The following DAB1 variants were observed in gnomAD, a reference collection of about 807,000 sequenced individuals.
The protein encoded by DAB1 is DAB adaptor protein 1, also known as disabled homolog 1.
In DAB1, 15 loss-of-function variants were observed where a neutral mutation model predicts 64.6. That is an observed-to-expected ratio of 0.23 (90% confidence interval 0.16 to 0.36). DAB1 has a LOEUF of 0.36. Among genes scored for constraint, DAB1 ranks in the 10% least tolerant of loss-of-function variants. The probability of loss-of-function intolerance (pLI) is 1.00; values close to 1 mark genes in which losing one functional copy is unlikely to be tolerated. For synonymous variants in DAB1, 235 were observed against 251.9 expected (o/e 0.93, Z 0.64); for missense variants, 596 against 706.7 (o/e 0.84, Z 1.78).
At chr1:58,455,760 T>C (rs706458) in intron 3 of DAB1, among the ~76,000 whole-genome samples, 122,455 of 152,200 alleles carry the variant, frequency 0.8, 50,647 homozygotes, top group African/African-American at 0.92. Flanking sequence ...TCTAATTGGA[T>C]ATCTGTCACA....
chr1:56,997,605 T>C lies in DAB1; in HGVS notation c.*539A>G, dbSNP rs1322334727. 1.3e-5 allele frequency: 2 copies of C among 152,096 alleles called. No homozygotes were observed. The allele number at this position is 152,096 out of a possible 1,614,324, so 9.4% of individuals were successfully genotyped here. A position where few individuals can be genotyped will look rare whatever the true frequency, so the allele number is the denominator to read the frequency against. ...GGGGAAAATGGCAGACCAGGCCCCA[T>C]GGAGTGACAAAAAACACATCATCCT... On this transcript the variant is annotated 3_prime_UTR_variant, in exon 15 of 15. Coordinates refer to ENST00000371236, the MANE Select transcript of DAB1 (RefSeq NM_001365792.1).
At chr1:58,057,777 G>A (rs1467095559) in intron 5 of DAB1, among the ~76,000 whole-genome samples, 2 of 152,116 alleles carry the variant, frequency 1.3e-5, no homozygotes, top group Non-Finnish European at 2.9e-5. Flanking sequence ...GGCAGCTTTA[G>A]GGAATACATA....
At chr1:57,714,339 G>GT (rs1037483186) in intron 6 of DAB1, among the ~76,000 whole-genome samples, 1 of 151,878 alleles carries the variant, frequency 6.6e-6, no homozygotes, top group Non-Finnish European at 1.5e-5. Context: ...GGAAATCTGG[G>GT]TTTTGAACCC....
chr1:58,258,514 C>G (rs1397222841), intron 4 of DAB1, among the ~76,000 whole-genome samples: 3 of 152,120 alleles, frequency 2.0e-5, no homozygotes, highest in Non-Finnish European at 4.4e-5. Context: ...GTTACCCTGT[C>G]TGGACTCATT....
chr1:57,186,041 G>GCCTGTATATCAATA (rs1663521733), intron 2 of DAB1, among the ~76,000 whole-genome samples: 1 of 152,072 alleles, frequency 6.6e-6, no homozygotes, highest in South Asian at 2.1e-4. Context: ...CCTCAGTCTT[G>GCCTGTATATCAATA]CCTGTATATC....
chr1:58,338,453 A>G (rs1663173978), intron 4 of DAB1, among the ~76,000 whole-genome samples: 1 of 152,194 alleles, frequency 6.6e-6, no homozygotes, highest in Non-Finnish European at 1.5e-5. Context: ...TGTTTGTGGC[A>G]TTATTGAATC....
chr1:57,787,211 A>G (rs1389349877), intron 6 of DAB1, among the ~76,000 whole-genome samples: 1 of 152,206 alleles, frequency 6.6e-6, no homozygotes, highest in Admixed American at 6.5e-5. Flanking sequence ...GGCCAAATCA[A>G]TGTTGAAACA....
chr1:57,716,593 A>G (rs1011646255), intron 6 of DAB1, among the ~76,000 whole-genome samples: 1 of 152,246 alleles, frequency 6.6e-6, no homozygotes, highest in African/African-American at 2.4e-5. Context: ...TAAGTGGATT[A>G]AAGACTTAAA....
chr1:57,702,032 G>A (rs576991955), intron 6 of DAB1, among the ~76,000 whole-genome samples: 2 of 152,236 alleles, frequency 1.3e-5, no homozygotes, highest in South Asian at 2.1e-4. Flanking sequence ...ATTTGAGGAG[G>A]CCATGGTTCC....
At chr1:57,790,566 CA>C (rs1650546689) in intron 6 of DAB1, among the ~76,000 whole-genome samples, 1 of 152,104 alleles carries the variant, frequency 6.6e-6, no homozygotes, top group African/African-American at 2.4e-5. Flanking sequence ...AGAAGTATCC[CA>C]GAACCAGCCC....
intron 2 of DAB1, among the ~76,000 whole-genome samples, chr1:57,243,459 G>T (rs971289205): frequency 6.6e-5 from 10 of 151,602 alleles, no homozygotes; most frequent in Non-Finnish European, 2.9e-5. Context: ...TAACCATATA[G>T]CTTCCAATGA....
intron 6 of DAB1, among the ~76,000 whole-genome samples, chr1:57,728,746 A>G (rs1254819219): frequency 6.6e-6 from 1 of 152,238 alleles, no homozygotes; most frequent in Non-Finnish European, 1.5e-5. Flanking sequence ...TTTCAAAAGA[A>G]ACCAAAATCA....
intron 1 of DAB1, among the ~76,000 whole-genome samples, chr1:58,527,605 C>T (rs1293556822): frequency 6.6e-6 from 1 of 152,020 alleles, no homozygotes; most frequent in East Asian, 1.9e-4. Context: ...TCTATTTTTC[C>T]AATTATAGTC....
chr1:58,351,556 G>A (rs1644057768), intron 3 of DAB1, among the ~76,000 whole-genome samples: 1 of 152,000 alleles, frequency 6.6e-6, no homozygotes, highest in Admixed American at 6.6e-5. Flanking sequence ...CTCGGTAGAT[G>A]GCTAAGTGTT....
intron 3 of DAB1, among the ~76,000 whole-genome samples, chr1:58,376,205 T>C (rs1437135892): frequency 4.0e-5 from 6 of 149,318 alleles, no homozygotes; most frequent in Non-Finnish European, 8.9e-5. Flanking sequence ...TTTAGTTATT[T>C]CTTGCCTTCT....
At chr1:57,775,166 A>C (rs560556785) in intron 6 of DAB1, among the ~76,000 whole-genome samples, 64 of 151,446 alleles carry the variant, frequency 4.2e-4, no homozygotes, top group African/African-American at 1.2e-3. Context: ...TTTCTTGGTT[A>C]GCATAATTAT....
At chr1:57,861,448 C>T (rs1048410768) in intron 1 of DAB1, among the ~76,000 whole-genome samples, 1 of 152,148 alleles carries the variant, frequency 6.6e-6, no homozygotes. Context: ...GGGCTCCACC[C>T]TCATGACCTA....
At chr1:57,758,636 ATCATAT>A (rs1648928902) in intron 6 of DAB1, among the ~76,000 whole-genome samples, 1 of 152,206 alleles carries the variant, frequency 6.6e-6, no homozygotes, top group Admixed American at 6.5e-5. Flanking sequence ...ACCGGCTTCT[ATCATAT>A]TTTTTCATAT....
intron 2 of DAB1, among the ~76,000 whole-genome samples, chr1:57,198,049 C>T (rs1422139462): frequency 6.6e-6 from 1 of 152,110 alleles, no homozygotes; most frequent in African/African-American, 2.4e-5. Flanking sequence ...ATATAATAAA[C>T]ATAAACTACA....
Sources: gnomAD v4.1 joint callset for allele counts (sites outside exome capture counted in the v4.1 genomes callset) on GRCh38, gnomAD v4.1.1 for gene constraint, MANE v1.5 for transcripts, NCBI Gene and HGNC (gene_info 2026-07-23, HGNC 2026-07-21) for gene names.